Variants in SEPTIN4 observed in about 807,000 individuals in gnomAD.
SEPTIN4 encodes the protein septin 4, also known as septin-4.
In SEPTIN4, 52 loss-of-function variants were observed where a neutral mutation model predicts 107.1. The observed-to-expected ratio is 0.49, with a 90% CI of 0.39 to 0.61. The LOEUF is 0.61. Ranked by LOEUF, SEPTIN4 falls within the 20% of genes least tolerant of loss-of-function variation. The pLI is 0.00. For missense variants in SEPTIN4, 1,048 were observed against 1,243.5 expected (o/e 0.84, Z 2.36); for synonymous variants, 417 against 467.0 (o/e 0.89, Z 1.38).
chr17:58,526,390 CT>C, intron 4 of SEPTIN4, 77 bp from the exon 5 acceptor site: 1 of 1,400,818 alleles, frequency 7.1e-7, no homozygotes, highest in Admixed American at 3.3e-5. Flanking sequence ...TCTTCTCTCC[CT>C]TTCAGGCCTT....
At chr17:58,534,131 C>T (rs2043631047) in intron 3 of SEPTIN4, among the ~76,000 whole-genome samples, 1 of 152,202 alleles carries the variant, frequency 6.6e-6, no homozygotes, top group South Asian at 2.1e-4. Flanking sequence ...AGTCCTGGGA[C>T]CACGGAACTT....
In SEPTIN4 at chr17:58,543,841, C is replaced by T; in HGVS notation, c.346G>A (p.Ala116Thr). Reference protein sequence around the residue: ...SQKTQTLASHASSRQWKVSPP... With the variant: ...SQKTQTLASHTSSRQWKVSPP... Reference sequence around the variant, plus strand: ...CTAACTTTCCATTGTCTGCTTGAAGCATGGGAAGCCAGTGTCTGAGTCTTC... The same window carrying T: ...CTAACTTTCCATTGTCTGCTTGAAGTATGGGAAGCCAGTGTCTGAGTCTTC... Residue 116 changes from alanine (A) to threonine (T), a missense_variant, in exon 1 of 14, where the codon GCT becomes ACT. By Grantham distance (58) the Ala-to-Thr change is moderately conservative. This residue lies in a region of SEPTIN4 where 787 missense variants were observed against 871.8 expected (regional missense o/e 0.90). Coordinates refer to ENST00000672673, the MANE Select transcript of SEPTIN4 (RefSeq NM_001368771.2). 5.0e-6 allele frequency: 8 copies of T among 1,614,154 alleles called. No individual in the cohort carries two copies. Among genetic ancestry groups the T allele is most frequent in the Non-Finnish European group, 5.9e-6 (7 of 1,180,036 alleles).
chr17:58,531,932 G>C, intron 3 of SEPTIN4: 1 of 1,142,248 alleles, frequency 8.8e-7, no homozygotes. Flanking sequence ...GCCCTGCCCC[G>C]CGCCCGCCCG....
At chr17:58,524,816 C>G in intron 7 of SEPTIN4, 1 of 350,822 alleles carries the variant, frequency 2.9e-6, no homozygotes, top group South Asian at 3.4e-5. Context: ...GATACTTCCG[C>G]CTCAGCCTCT....
In SEPTIN4 at chr17:58,520,335, C is replaced by T. The variant is rs2042127676; in HGVS notation, c.*91G>A. 6.6e-6 allele frequency: 8 copies of T among 1,214,406 alleles called. No individual in the cohort carries two copies. In the Admixed American group the frequency reaches 1.6e-4, roughly 25 times the overall value. 75.2% of individuals were successfully genotyped at this position (1,214,406 alleles called of 1,614,324 possible). A position where few individuals can be genotyped will look rare whatever the true frequency, so the allele number is the denominator to read the frequency against. On this transcript the variant is annotated 3_prime_UTR_variant, in exon 14 of 14. Coordinates refer to ENST00000672673, the MANE Select transcript of SEPTIN4 (RefSeq NM_001368771.2). ...GGGATGTAAGGCGAAGTGGCAGTAG[C>T]TGAAGGGGCCTGAGCAGAGCTGGTG...
chr17:58,542,605 G>A, intron 1 of SEPTIN4, 21 bp downstream of exon 1: 4 of 1,589,700 alleles, frequency 2.5e-6, no homozygotes, highest in Non-Finnish European at 2.6e-6. Flanking sequence ...CTGCACCTGG[G>A]CAGTCTGCTT....
At chr17:58,531,317 A>C (rs560949081) in intron 3 of SEPTIN4, 1 of 152,718 alleles carries the variant, frequency 6.5e-6, no homozygotes, top group Non-Finnish European at 1.5e-5. Flanking sequence ...TAGATGCAGC[A>C]GGAGGAAGCT....
chr17:58,540,857 C>G, intron 2 of SEPTIN4, 184 bp from the exon 3 acceptor site: 3 of 454,380 alleles, frequency 6.6e-6, no homozygotes, highest in Non-Finnish European at 1.1e-5. Context: ...TGAGTGCTCA[C>G]TGTTGCCAAG....
chr17:58,523,455 C>T (rs900987246), intron 7 of SEPTIN4, among the ~76,000 whole-genome samples: 4 of 152,002 alleles, frequency 2.6e-5, no homozygotes, highest in African/African-American at 7.3e-5. Context: ...TCTCTACCCA[C>T]CTGAACCCCT....
At chr17:58,539,314 A>G (rs2043815738) in intron 3 of SEPTIN4, 2 of 640,640 alleles carry the variant, frequency 3.1e-6, no homozygotes, top group Admixed American at 6.3e-5. Flanking sequence ...AAAGGGGATG[A>G]AGGTGGGGGA....
At chr17:58,535,133 A>C (rs1280558099) in intron 3 of SEPTIN4, among the ~76,000 whole-genome samples, 2 of 152,222 alleles carry the variant, frequency 1.3e-5, no homozygotes, top group Non-Finnish European at 2.9e-5. Flanking sequence ...CTGTCCAACA[A>C]GGTCTGTGGT....
rs1441823017 is a variant in SEPTIN4 at position 58,526,699 on chromosome 17, G to A, written c.1894C>T (p.Pro632Ser). The A allele has an allele frequency of 4.4e-6, 7 of 1,586,570 alleles. No homozygotes were observed. The highest frequency in any genetic ancestry group is 5.1e-6 in the Non-Finnish European group (6 of 1,168,864). ...RPRSPWGKLD[P>S]YDSSEDDKEY... ...GGCTCTACCTCAGAGGAATCATAGG[G>A]ATCAAGCTTGCCCCATGGGCTGCGG... The change falls in exon 4 of 14, where the codon CCC becomes TCC. Residue 632 changes from proline (P) to serine (S), a missense_variant. By Grantham distance (74) the Pro-to-Ser change is moderately conservative. Around this residue, in one of 2 missense-constraint regions of SEPTIN4, gnomAD observed 787 missense variants for 871.8 expected, o/e 0.90. Transcript: ENST00000672673.
At position 58,543,247 on chromosome 17, in the gene SEPTIN4, A is replaced by G. The variant is rs1265790204; in HGVS notation, c.940T>C (p.Ser314Pro). The change falls in exon 1 of 14, where the codon TCA becomes CCA. Residue 314 changes from serine (S) to proline (P), a missense_variant. Ser to Pro is a moderately conservative substitution (Grantham distance 74). Coordinates refer to ENST00000672673, the MANE Select transcript of SEPTIN4 (RefSeq NM_001368771.2). Reference sequence around the variant, plus strand: ...CTCACGTTGGACTCCACCTGTGATGATACTAAGACCTTTGCGGAGGGCTTG... The same window carrying G: ...CTCACGTTGGACTCCACCTGTGATGGTACTAAGACCTTTGCGGAGGGCTTG... Reference protein sequence around the residue: ...ETKPSAKVLVSSQVESNVRTP... With the variant: ...ETKPSAKVLVPSQVESNVRTP... The G allele has an allele frequency of 6.2e-7, 1 of 1,614,116 alleles. No homozygotes were observed.
At chr17:58,520,940 ACCCAAGGCTAGGCTTGGGATCT>A (rs2042199467) in intron 12 of SEPTIN4, 36 bp downstream of exon 12, 2 of 1,612,036 alleles carry the variant, frequency 1.2e-6, no homozygotes, top group East Asian at 2.2e-5. Context: ...GCTTGGTCTC[ACCCAAGGCTAGGCTTGGGATCT>A]CCCCCTGCCA....
intron 3 of SEPTIN4, chr17:58,531,742 G>T: frequency 3.6e-6 from 1 of 280,870 alleles, no homozygotes; most frequent in Non-Finnish European, 5.8e-6. Flanking sequence ...CCCAGGGGTT[G>T]GCGCCCACTC....
rs751972515 is a variant in SEPTIN4 at position 58,525,757 on chromosome 17, G to A, written c.2030C>T (p.Thr677Ile). 2 of 1,614,158 alleles carry A rather than the reference G, an allele frequency of 1.2e-6. No individual in the cohort carries two copies. Among genetic ancestry groups the A allele is most frequent in the Admixed American group, 1.7e-5 (1 of 60,034 alleles). The change falls in exon 6 of 14, where the codon ACA (threonine) becomes ATA (isoleucine). Residue 677 changes from threonine to isoleucine, a missense_variant. Transcript: ENST00000672673. The stretch of plus-strand genomic sequence containing the variant: ...AGTGAGGAAGAGGCTATTGACAAGT[G>A]TGGATTTGCCCAGGCCAGACTCTCC... ...VAGESGLGKS[T>I]LVNSLFLTDL...
chr17:58,542,025 T>C (rs1025695738), intron 1 of SEPTIN4, 59 bp from the exon 2 acceptor site: 2 of 1,551,898 alleles, frequency 1.3e-6, no homozygotes, highest in African/African-American at 1.4e-5. Context: ...CATCCCACTC[T>C]CCACTACTTG....
intron 4 of SEPTIN4, 119 bp downstream of exon 4, chr17:58,526,563 C>A (rs2042901546): frequency 7.0e-7 from 1 of 1,422,734 alleles, no homozygotes; most frequent in Non-Finnish European, 9.1e-7. Flanking sequence ...CCCAGATACA[C>A]ACACACACAA....
intron 3 of SEPTIN4, chr17:58,529,495 CT>C: frequency 8.0e-7 from 1 of 1,253,730 alleles, no homozygotes. Context: ...TGCCTGCTGC[CT>C]ACCCTGGTGG....
Sources: allele counts gnomAD v4.1 joint callset (sites outside exome capture counted in the v4.1 genomes callset), GRCh38; gene constraint gnomAD v4.1.1; regional missense constraint gnomAD v4.1.1; transcripts MANE v1.5; gene names NCBI Gene and HGNC (gene_info 2026-07-23, HGNC 2026-07-21).